Variants in CHMP4C observed in about 807,000 individuals in gnomAD.
CHMP4C encodes the protein SNF7 homolog associated with Alix 3.
CHMP4C carries 28 observed loss-of-function variants against 29.0 expected under a neutral mutation model. The ratio of observed to expected loss-of-function variants is 0.97; its 90% CI spans 0.72 to 1.32. The LOEUF is 1.32. Among genes scored for constraint, CHMP4C ranks in the 40% most tolerant of loss-of-function variants. The pLI is 0.00. For synonymous variants in CHMP4C, 106 were observed against 102.4 expected (o/e 1.04, Z -0.21); for missense variants, 291 against 281.0 (o/e 1.04, Z -0.25).
intron 1 of CHMP4C, among the ~76,000 whole-genome samples, chr8:81,751,237 A>G (rs997463232): frequency 4.6e-5 from 7 of 151,626 alleles, no homozygotes; most frequent in African/African-American, 1.7e-4. Context: ...AGAGGACAAT[A>G]TAGAATACAA....
At chr8:81,751,291 C>T (rs990898120) in intron 1 of CHMP4C, among the ~76,000 whole-genome samples, 1 of 152,002 alleles carries the variant, frequency 6.6e-6, no homozygotes, top group Non-Finnish European at 1.5e-5. Flanking sequence ...AGAATTGTGT[C>T]TATGAAGCTT....
Sources: allele counts gnomAD v4.1 joint callset (sites outside exome capture counted in the v4.1 genomes callset), GRCh38; gene constraint gnomAD v4.1.1; transcripts MANE v1.5; gene names NCBI Gene and HGNC (gene_info 2026-07-23, HGNC 2026-07-21).